The following PPP4C variants were observed in gnomAD, a reference collection of about 807,000 sequenced individuals.
PPP4C encodes the protein protein phosphatase 4 catalytic subunit, also known as serine/threonine-protein phosphatase 4 catalytic subunit.
A neutral mutation model predicts 40.5 loss-of-function variants in PPP4C; 10 were observed. That is an observed-to-expected ratio of 0.25 (90% confidence interval 0.15 to 0.42). The LOEUF (loss-of-function observed/expected upper bound fraction) is 0.42, where lower values mean the gene tolerates loss of function less well. PPP4C is among the 10% of genes least tolerant of loss of function. PPP4C has a pLI of 1.00. For synonymous variants in PPP4C, 187 were observed against 163.6 expected, an observed-to-expected ratio of 1.14 and a Z score of -1.09; for missense variants, 191 against 416.4, an observed-to-expected ratio of 0.46 and a Z score of 4.71.
At chr16:30,077,980 T>C (rs920302988) in intron 2 of PPP4C, among the ~76,000 whole-genome samples, 26 of 152,350 alleles carry the variant, frequency 1.7e-4, no homozygotes, top group Non-Finnish European at 2.9e-4. Context: ...GTGGCTTTTC[T>C]CTTTTGCCAG....
intron 2 of PPP4C, among the ~76,000 whole-genome samples, chr16:30,080,142 C>T (rs1473488057): frequency 2.0e-5 from 3 of 151,746 alleles, no homozygotes; most frequent in Admixed American, 6.6e-5. Context: ...GTCAGGAGTT[C>T]GAGACCAGCC....
rs34627357 is a variant in PPP4C at position 30,085,147 on chromosome 16, T to TGGG, written c.*91_*93dup. On this transcript the variant is annotated 3_prime_UTR_variant, in exon 9 of 9. Transcript: ENST00000279387. ...ATCTTCCTCAGACGGAGGCTGGGCG[T>TGGG]GGGGGGGGCTGTCCTGGCTCTGCTG... 4.8e-6 allele frequency: 7 copies of TGGG among 1,459,338 alleles called. No homozygotes were observed. Among genetic ancestry groups the TGGG allele is most frequent in the Middle Eastern group, 2.5e-4 (1 of 4,076 alleles). 90.4% of individuals were successfully genotyped at this position (1,459,338 alleles called of 1,614,324 possible).
In PPP4C at chr16:30,083,280, G is replaced by A. The variant is rs2072545201; in HGVS notation, c.304-114G>A. On this transcript the variant is annotated intron_variant, in intron 5 of 8. Coordinates refer to ENST00000279387, the MANE Select transcript of PPP4C (RefSeq NM_002720.3). This position sits in a 1 kb window ranked among gnomAD's most constrained non-coding sequence, Gnocchi z 6.3. ...ACACGATTCAGGCAAGAGGTGCCAG[G>A]AGTGTGCTGGGCAGTGGTTGTGAGG... 7 of 1,209,776 alleles carry A rather than the reference G, an allele frequency of 5.8e-6. No individual in the cohort carries two copies. Among genetic ancestry groups the A allele is most frequent in the Non-Finnish European group, 8.2e-6 (7 of 853,342 alleles). The allele number at this position is 1,209,776 out of a possible 1,614,324, so 74.9% of individuals were successfully genotyped here.
rs557112044 is a variant in PPP4C at position 30,076,300 on chromosome 16, C to G, written c.-63-15C>G. 2.0e-6 allele frequency: 3 copies of G among 1,465,776 alleles called. No homozygotes were observed. Among genetic ancestry groups the G allele is most frequent in the East Asian group, 4.8e-5 (2 of 41,914 alleles). The allele number at this position is 1,465,776 out of a possible 1,614,324, so 90.8% of individuals were successfully genotyped here. A position where few individuals can be genotyped will look rare whatever the true frequency, so the allele number is the denominator to read the frequency against. On this transcript the variant is annotated splice_polypyrimidine_tract_variant and intron_variant, in intron 1 of 8. Transcript: ENST00000279387. ...GACGGACACTGATCCGCGGGCTCGT[C>G]TTGGCCTTTCCCAGGAGACCCCTGT...
At position 30,085,104 on chromosome 16, in the gene PPP4C, C is replaced by T. The variant is rs1223321540; in HGVS notation, c.*42C>T. 1.9e-6 allele frequency: 3 copies of T among 1,602,332 alleles called. No homozygotes were observed. The highest frequency in any genetic ancestry group is 1.1e-5 in the South Asian group (1 of 89,968). On this transcript the variant is annotated 3_prime_UTR_variant, in exon 9 of 9. Transcript: ENST00000279387. Reference sequence around the variant, plus strand: ...CCCCCTCCAACCCTTCTGGCCCTCGCACCACTGTGACTCTGCCATCTTCCT... The same window carrying T: ...CCCCCTCCAACCCTTCTGGCCCTCGTACCACTGTGACTCTGCCATCTTCCT...
chr16:30,076,231 G>T, intron 1 of PPP4C, 84 bp from the exon 2 acceptor site: 1 of 782,256 alleles, frequency 1.3e-6, no homozygotes, highest in Non-Finnish European at 2.0e-6. Flanking sequence ...GGGGGTGGGG[G>T]AGCCGGGCCG....
rs150907364 is a variant in PPP4C, at chr16:30,083,558, C to T, written c.468C>T (p.Ile156=). Residue 156 remains isoleucine, a synonymous_variant, in exon 6 of 9, where the codon ATC becomes ATT. Coordinates refer to ENST00000279387, the MANE Select transcript of PPP4C (RefSeq NM_002720.3). The surrounding 1 kb of genome is among the most constrained non-coding windows in gnomAD (Gnocchi z 6.3). ...IFDYLSLSAI[I]DGKIFCVHGG... is the part of the protein sequence containing the mutation. Reference sequence around the variant, plus strand: ...ACTACCTCAGCCTGTCAGCCATCATCGATGGCAAGGTAAGCCAGCCCAGGG... The same window carrying T: ...ACTACCTCAGCCTGTCAGCCATCATTGATGGCAAGGTAAGCCAGCCCAGGG... The T allele has an allele frequency of 3.1e-6, 5 of 1,613,972 alleles. No individual in the cohort carries two copies. The highest frequency in any genetic ancestry group is 1.3e-5 in the African/African-American group (1 of 74,928).
At chr16:30,084,357 C>T (rs748085922) in intron 7 of PPP4C, among the ~76,000 whole-genome samples, 39 of 152,252 alleles carry the variant, frequency 2.6e-4, no homozygotes, top group South Asian at 1.2e-3. Flanking sequence ...TGTGACAACA[C>T]AGGGTGCCCT....
intron 4 of PPP4C, 32 bp downstream of exon 4, chr16:30,082,566 CGGG>C (rs1197329635): frequency 1.9e-6 from 3 of 1,602,962 alleles, no homozygotes; most frequent in Non-Finnish European, 2.6e-6. Context: ...TGAAATGTAA[CGGG>C]GGGATGACTG....
Position 30,082,745 on chromosome 16 carries a change from GGT to G in PPP4C, c.202_203del (p.Val68ArgfsTer6), listed in dbSNP as rs2072535410. 6.2e-7 allele frequency: 1 copy of G among 1,613,336 alleles called. No homozygotes were observed. Among genetic ancestry groups the G allele is most frequent in the African/African-American group, 1.3e-5 (1 of 74,892 alleles). ...GGGCAAAACTTTCTACTTCCCCACA[GGT>G]AGGTGGCGACGTCCCTGAGACCAAC... ...QFYDLKELFR[V>X]GGDVPETNYL... On this transcript the variant is annotated frameshift_variant and splice_region_variant, in exon 5 of 9. Coordinates refer to ENST00000279387, the MANE Select transcript of PPP4C (RefSeq NM_002720.3). LOFTEE classifies it high-confidence loss of function.
chr16:30,081,204 G>A (rs2072499912), intron 2 of PPP4C, 55 bp from the exon 3 acceptor site: 1 of 1,611,546 alleles, frequency 6.2e-7, no homozygotes. Context: ...AAAAAGGTCA[G>A]GAATTGGGCT....
At chr16:30,076,986 T>A (rs1182769214) in intron 2 of PPP4C, among the ~76,000 whole-genome samples, 1 of 152,202 alleles carries the variant, frequency 6.6e-6, no homozygotes, top group Non-Finnish European at 1.5e-5. Context: ...TGAAGCCAGC[T>A]CTTAGTGTCC....
In PPP4C at chr16:30,084,724, G is replaced by A; in HGVS notation, c.663G>A (p.Val221=). Residue 221 remains valine (V), a synonymous_variant, in exon 8 of 9, where the codon GTG becomes GTA. Transcript: ENST00000279387. ...RGAGYLFGSD[V]VAQFNAANDI... ...CCGGCTACCTATTTGGCAGTGACGT[G>A]GTGGCCCAGTTCAACGCAGCCAATG... The A allele has an allele frequency of 3.7e-6, 6 of 1,614,260 alleles. No homozygotes were observed. The highest frequency in any genetic ancestry group is 5.1e-6 in the Non-Finnish European group (6 of 1,180,054).
rs2072603210 is a variant in PPP4C, at chr16:30,085,323, A to G, written c.*261A>G. 2 of 364,256 alleles carry G rather than the reference A, an allele frequency of 5.5e-6. No individual in the cohort carries two copies. The highest frequency in any genetic ancestry group is 4.2e-5 in the Admixed American group (1 of 23,644). The allele number at this position is 364,256 out of a possible 1,614,324, so 22.6% of individuals were successfully genotyped here. A position where few individuals can be genotyped will look rare whatever the true frequency, so the allele number is the denominator to read the frequency against. On this transcript the variant is annotated 3_prime_UTR_variant, in exon 9 of 9. Coordinates refer to ENST00000279387, the MANE Select transcript of PPP4C (RefSeq NM_002720.3). ...CCTTCTTTTTTCTGTTTGTTTTTAG[A>G]TAAAAATTTTGAGAAAAAAAATGAA...
chr16:30,076,367 G>A lies in PPP4C; in HGVS notation c.-11G>A, dbSNP rs757126168. 2 of 1,612,000 alleles carry A rather than the reference G, an allele frequency of 1.2e-6. No individual in the cohort carries two copies. The highest frequency in any genetic ancestry group is 1.7e-6 in the Non-Finnish European group (2 of 1,179,268). ...GGCGGCCCCGACTCTGACCCGCGCC[G>A]GGGGTGGGCCATGGCGGAGATCAGC... On this transcript the variant is annotated 5_prime_UTR_variant, in exon 2 of 9. Coordinates refer to ENST00000279387, the MANE Select transcript of PPP4C (RefSeq NM_002720.3).
At chr16:30,081,571 C>T (rs1329613260) in intron 3 of PPP4C, 8 of 320,398 alleles carry the variant, frequency 2.5e-5, no homozygotes, top group South Asian at 9.0e-5. Flanking sequence ...ATGGTGAAAC[C>T]GTTTCTACTA....
intron 3 of PPP4C, among the ~76,000 whole-genome samples, chr16:30,082,034 G>A (rs1247040280): frequency 6.7e-6 from 1 of 150,268 alleles, no homozygotes; most frequent in South Asian, 2.1e-4. Context: ...CAGGCTAGGC[G>A]ACAGAGTGAG....
At chr16:30,079,903 C>T (rs1331133615) in intron 2 of PPP4C, among the ~76,000 whole-genome samples, 1 of 152,194 alleles carries the variant, frequency 6.6e-6, no homozygotes, top group Non-Finnish European at 1.5e-5. Flanking sequence ...AGCCTCCTTC[C>T]CTGCTTCAAT....
intron 2 of PPP4C, 59 bp from the exon 3 acceptor site, chr16:30,081,200 G>T: frequency 6.2e-7 from 1 of 1,611,004 alleles, no homozygotes. Flanking sequence ...CCCAAAAAAG[G>T]TCAGGAATTG....
Sources: gnomAD v4.1 joint callset for allele counts (sites outside exome capture counted in the v4.1 genomes callset) on GRCh38, gnomAD v4.1.1 for gene constraint, Gnocchi (gnomAD v3.1) non-coding constraint, MANE v1.5 for transcripts, NCBI Gene and HGNC (gene_info 2026-07-23, HGNC 2026-07-21) for gene names.